The following MCTP1 variants were observed in gnomAD, a reference collection of about 807,000 sequenced individuals.
MCTP1 encodes the protein multiple C2 and transmembrane domain-containing protein 1.
Under a neutral mutation model 120.6 loss-of-function variants are expected in MCTP1, and 69 were observed. The ratio of observed to expected loss-of-function variants is 0.57; its 90% CI spans 0.47 to 0.70. The LOEUF (loss-of-function observed/expected upper bound fraction) is 0.70. Ranked by LOEUF, MCTP1 falls within the 30% of genes least tolerant of loss-of-function variation. MCTP1 has a pLI of 0.00. For missense variants in MCTP1, 1,203 were observed against 1,248.8 expected, an observed-to-expected ratio of 0.96 and a Z score of 0.55; for synonymous variants, 529 against 493.1, an observed-to-expected ratio of 1.07 and a Z score of -0.96.
At chr5:94,811,291 G>T (rs1338086720) in intron 17 of MCTP1, among the ~76,000 whole-genome samples, 1 of 152,100 alleles carries the variant, frequency 6.6e-6, no homozygotes, top group Non-Finnish European at 1.5e-5. Context: ...AAGCCTAAAG[G>T]TTTGAGCACT....
chr5:94,896,738 A>G (rs1294282765), intron 10 of MCTP1, among the ~76,000 whole-genome samples: 1 of 152,208 alleles, frequency 6.6e-6, no homozygotes, highest in Non-Finnish European at 1.5e-5. Flanking sequence ...TTTTAAATAC[A>G]GGGTAAATGT....
chr5:95,188,636 C>T (rs1045065490), intron 1 of MCTP1, among the ~76,000 whole-genome samples: 2 of 152,030 alleles, frequency 1.3e-5, no homozygotes, highest in African/African-American at 4.8e-5. Flanking sequence ...CTTGAAATAA[C>T]AAGATTATAG....
At position 94,896,603 on chromosome 5, in the gene MCTP1, T is replaced by C. The variant is rs1461362450; in HGVS notation, c.1653-1768A>G. 2.6e-5 allele frequency among the ~76,000 whole-genome samples: 4 copies of C among 152,342 alleles called. No homozygotes were observed. The East Asian group carries it at 7.7e-4, about 29-fold the overall frequency. On this transcript the variant is annotated intron_variant, in intron 10 of 22. Transcript: ENST00000515393. ...ATATTAGTCATTGCATTTAATGCTT[T>C]ACAGGTGGGGAAACTGCTCTCAAGA...
intron 9 of MCTP1, among the ~76,000 whole-genome samples, chr5:94,910,165 C>T (rs1160650741): frequency 2.0e-5 from 2 of 97,738 alleles, no homozygotes; most frequent in South Asian, 3.2e-4. Context: ...TATGTATATG[C>T]ATGTATACAT....
intron 2 of MCTP1, among the ~76,000 whole-genome samples, chr5:94,958,251 TG>T (rs958770290): frequency 3.9e-4 from 60 of 152,302 alleles, no homozygotes; most frequent in African/African-American, 1.4e-3. Flanking sequence ...CCAGAACCTT[TG>T]GGACACAGCT....
intron 1 of MCTP1, among the ~76,000 whole-genome samples, chr5:95,191,102 T>C (rs1043700045): frequency 2.0e-5 from 3 of 152,014 alleles, no homozygotes; most frequent in Non-Finnish European, 4.4e-5. Flanking sequence ...CAAATATAAA[T>C]TGCTAACTAT....
intron 1 of MCTP1, among the ~76,000 whole-genome samples, chr5:95,040,095 G>T (rs993334705): frequency 7.9e-5 from 12 of 152,004 alleles, no homozygotes; most frequent in Non-Finnish European, 1.3e-4. Flanking sequence ...AATTCATCTT[G>T]GCATGTGAGG....
intron 1 of MCTP1, among the ~76,000 whole-genome samples, chr5:95,131,559 T>C (rs1233795614): frequency 6.6e-6 from 1 of 152,252 alleles, no homozygotes; most frequent in Non-Finnish European, 1.5e-5. Flanking sequence ...TGCATAAGTC[T>C]GGTACATTTC....
rs1458322580 is a variant in MCTP1, at chr5:95,095,217, G to T, written c.721-77733C>A. ...TTTTTGTATTTTTAGTAGAGACGGG[G>T]TTTCACCATGTTAGCCAGGATGGTC... On this transcript the variant is annotated intron_variant, in intron 1 of 22. Transcript: ENST00000515393. 7.3e-5 allele frequency among the ~76,000 whole-genome samples: 11 copies of T among 151,070 alleles called. No individual in the cohort carries two copies. In the East Asian group the frequency reaches 1.9e-3, roughly 27 times the overall value.
At chr5:95,017,550 A>ACCATCTCTAAAGGGGGG in intron 1 of MCTP1, 66 bp from the exon 2 acceptor site, 1 of 1,008,064 alleles carries the variant, frequency 9.9e-7, no homozygotes. Context: ...CTAAAGGGGG[A>ACCATCTCTAAAGGGGGG]CCATATATAG....
At chr5:94,854,240 A>G (rs1794313227) in intron 17 of MCTP1, among the ~76,000 whole-genome samples, 1 of 151,900 alleles carries the variant, frequency 6.6e-6, no homozygotes. Flanking sequence ...AAAACACAGT[A>G]AGAAAAATTA....
chr5:95,031,779 TA>T (rs1840347471), intron 1 of MCTP1, among the ~76,000 whole-genome samples: 1 of 152,084 alleles, frequency 6.6e-6, no homozygotes, highest in African/African-American at 2.4e-5. Context: ...AATGCTCCAC[TA>T]AAAAGACATA....
intron 1 of MCTP1, among the ~76,000 whole-genome samples, chr5:95,082,654 ACAT>A (rs1180624054): frequency 1.3e-5 from 2 of 152,194 alleles, no homozygotes; most frequent in Non-Finnish European, 2.9e-5. Context: ...TATGTCTAAA[ACAT>A]CATCATTTCA....
chr5:95,070,836 G>A (rs1751959170), intron 1 of MCTP1, among the ~76,000 whole-genome samples: 1 of 152,172 alleles, frequency 6.6e-6, no homozygotes, highest in Non-Finnish European at 1.5e-5. Context: ...AGCAGATAAA[G>A]CTCATTCTGA....
rs117917684 is a variant in MCTP1 at position 95,171,789 on chromosome 5, G to A, written c.720+112067C>T. ...GTCATTTAAGGACTTCTCTACACTG[G>A]TTAATCTAGTTAGCCATTCATCTCA... On this transcript the variant is annotated intron_variant, in intron 1 of 22. Transcript: ENST00000515393. Among the ~76,000 whole-genome samples the A allele has an allele frequency of 3.4e-4, 52 of 152,150 alleles. No individual in the cohort carries two copies. In the East Asian group the frequency reaches 8.3e-3, roughly 24 times the overall value.
intron 12 of MCTP1, among the ~76,000 whole-genome samples, chr5:94,878,138 G>T (rs1197258293): frequency 6.6e-6 from 1 of 151,966 alleles, no homozygotes; most frequent in Non-Finnish European, 1.5e-5. Flanking sequence ...TATAATCAAG[G>T]TTGCCATCTA....
chr5:95,097,889 A>G lies in MCTP1; in HGVS notation c.721-80405T>C, dbSNP rs537749707. On this transcript the variant is annotated intron_variant, in intron 1 of 22. Coordinates refer to ENST00000515393, the MANE Select transcript of MCTP1 (RefSeq NM_024717.7). Reference sequence around the variant, plus strand: ...TATTTACTCAGTAATGAAATGTCATAGCTAAAGTTCCTTTTTTCACACAGT... The same window carrying G: ...TATTTACTCAGTAATGAAATGTCATGGCTAAAGTTCCTTTTTTCACACAGT... Among the ~76,000 whole-genome samples, 24 of 152,338 alleles carry G rather than the reference A, an allele frequency of 1.6e-4. 1 individual carries two copies. The South Asian group carries it at 4.8e-3, about 30-fold the overall frequency.
At chr5:94,712,937 G>T (rs1757612049) in intron 20 of MCTP1, among the ~76,000 whole-genome samples, 1 of 151,702 alleles carries the variant, frequency 6.6e-6, no homozygotes, top group Non-Finnish European at 1.5e-5. Flanking sequence ...TACTCCTATT[G>T]GAAGGATAAA....
At chr5:95,165,308 T>C (rs1746197529) in intron 1 of MCTP1, among the ~76,000 whole-genome samples, 2 of 152,250 alleles carry the variant, frequency 1.3e-5, no homozygotes, top group South Asian at 4.1e-4. Flanking sequence ...GCCCACCTAA[T>C]ACTTTGGAGA....
Sources: gnomAD v4.1 joint callset for allele counts (sites outside exome capture counted in the v4.1 genomes callset) on GRCh38, gnomAD v4.1.1 for gene constraint, MANE v1.5 for transcripts, NCBI Gene and HGNC (gene_info 2026-07-23, HGNC 2026-07-21) for gene names.